ALG13: variants seen among roughly 807,000 people sequenced by gnomAD.
ALG13 encodes the protein UDP-N-acetylglucosamine transferase subunit ALG13.
ALG13 carries 11 observed loss-of-function variants against 87.8 expected under a neutral mutation model. That is an observed-to-expected ratio of 0.13 (90% CI 0.08 to 0.21). The LOEUF (loss-of-function observed/expected upper bound fraction) is 0.21. Ranked by LOEUF, ALG13 falls within the 10% of genes least tolerant of loss-of-function variation. ALG13 has a pLI of 1.00. For synonymous variants in ALG13, 320 were observed against 306.3 expected (o/e 1.04, Z -0.47); for missense variants, 756 against 866.1 (o/e 0.87, Z 1.60).
intron 25 of ALG13, among the ~76,000 whole-genome samples, chrX:111,757,016 TTTC>T (rs1945319402): frequency 8.9e-6 from 1 of 112,048 alleles, no homozygotes; most frequent in African/African-American, 3.2e-5. Flanking sequence ...TTTCAGTATT[TTTC>T]TTATTAGAAA....
chrX:111,731,500 G>A (rs548722286), intron 21 of ALG13, among the ~76,000 whole-genome samples: 8 of 111,803 alleles, frequency 7.2e-5, no homozygotes, highest in African/African-American at 2.6e-4. Flanking sequence ...GGGGCTCTTG[G>A]TTACTCCCAA....
chrX:111,681,980 A>C, intron 1 of ALG13, 152 bp from the exon 2 acceptor site: 1 of 872,279 alleles, frequency 1.1e-6, no homozygotes, highest in Middle Eastern at 4.7e-4. Flanking sequence ...GGACCAGAAA[A>C]TAGTTTTGAA....
intron 8 of ALG13, 56 bp from the exon 9 acceptor site, chrX:111,717,790 T>C (rs1940849922): frequency 1.7e-5 from 14 of 828,917 alleles, no homozygotes; most frequent in Non-Finnish European, 2.4e-5. Flanking sequence ...TCATCTTAAT[T>C]TCATGGTTTT....
intron 3 of ALG13, among the ~76,000 whole-genome samples, chrX:111,705,775 A>G (rs1277093978): frequency 9.2e-6 from 1 of 109,147 alleles, no homozygotes; most frequent in Non-Finnish European, 1.9e-5. Context: ...GTGTGGATCT[A>G]CTTCTGTGTG....
At chrX:111,700,585 GT>G in intron 3 of ALG13, among the ~76,000 whole-genome samples, 1 of 95,967 alleles carries the variant, frequency 1.0e-5, no homozygotes, top group African/African-American at 3.8e-5. Flanking sequence ...GTTTTTTTTT[GT>G]TTTTTTTTGA....
At chrX:111,730,625 C>T in intron 21 of ALG13, 45 bp downstream of exon 21, 2 of 992,183 alleles carry the variant, frequency 2.0e-6, no homozygotes, top group Non-Finnish European at 2.8e-6. Flanking sequence ...CTACTATGTA[C>T]TAGGGCACTG....
intron 10 of ALG13, 128 bp from the exon 11 acceptor site, chrX:111,719,966 AT>A: frequency 2.3e-6 from 1 of 440,838 alleles, no homozygotes; most frequent in Non-Finnish European, 3.9e-6. Flanking sequence ...AAATGTTGGA[AT>A]GAAAAAGCAT....
At position 111,681,560 on chromosome X, in the gene ALG13, C is replaced by T. The variant is rs1237196056; in HGVS notation, c.81+261C>T. On this transcript the variant is annotated intron_variant, in intron 1 of 26. Coordinates refer to ENST00000394780, the MANE Select transcript of ALG13 (RefSeq NM_001099922.3). Reference sequence around the variant, plus strand: ...TCCCTCATTTCTTCAGCTCCTTTTCCGGTCTGCCCCCGCGCTCTATTCTCC... The same window carrying T: ...TCCCTCATTTCTTCAGCTCCTTTTCTGGTCTGCCCCCGCGCTCTATTCTCC... The T allele has an allele frequency of 3.1e-6, 3 of 956,141 alleles. No individual in the cohort carries two copies. The African/African-American group carries it at 6.0e-5, about 19-fold the overall frequency. The allele number at this position is 956,141 out of a possible 1,213,427, so 78.8% of individuals were successfully genotyped here.
rs756868458 is a variant in ALG13 at position 111,708,142 on chromosome X, G to A, written c.499G>A (p.Gly167Arg). The change falls in exon 4 of 27, where the codon GGA becomes AGA. Residue 167 changes from glycine to arginine, a missense_variant. This residue lies in a region of ALG13 where 153 missense variants were observed against 168.7 expected (regional missense o/e 0.91). Coordinates refer to ENST00000394780, the MANE Select transcript of ALG13 (RefSeq NM_001099922.3). ...FSGLDFGLLS[G>R]YLHKQALVTA... ...AGGCCTAGACTTTGGGCTGCTTTCC[G>A]GATACCTGCATAAGCAAGCCCTTGT... The A allele has an allele frequency of 2.3e-5, 28 of 1,211,498 alleles. No homozygotes were observed. The East Asian group carries it at 3.3e-4, about 14-fold the overall frequency.
At chrX:111,688,864 T>C (rs1272413999) in intron 3 of ALG13, 1 of 750,847 alleles carries the variant, frequency 1.3e-6, no homozygotes, top group African/African-American at 2.3e-5. Flanking sequence ...CTGATTAGAG[T>C]GTGTGGTCTC....
rs1468778820 is a variant in ALG13 at position 111,718,076 on chromosome X, T to G, written c.1088-36T>G. ...TTTCACATAGTTAATATAAATCTTA[T>G]TTTGACAATTGGAATTTTGACCATT... is the stretch of plus-strand genomic sequence containing the variant. On this transcript the variant is annotated intron_variant, in intron 9 of 26. Coordinates refer to ENST00000394780, the MANE Select transcript of ALG13 (RefSeq NM_001099922.3). 4 of 1,133,002 alleles carry G rather than the reference T, an allele frequency of 3.5e-6. No individual in the cohort carries two copies. In the African/African-American group the frequency reaches 7.3e-5, roughly 21 times the overall value. 93.4% of individuals were successfully genotyped at this position (1,133,002 alleles called of 1,213,427 possible).
chrX:111,697,070 C>A (rs1345537317), intron 3 of ALG13, among the ~76,000 whole-genome samples: 1 of 104,937 alleles, frequency 9.5e-6, no homozygotes, highest in Non-Finnish European at 1.9e-5. Flanking sequence ...CATATTTAAG[C>A]ACGAACGTGC....
At position 111,757,605 on chromosome X, in the gene ALG13, C is replaced by T; in HGVS notation, c.2991C>T (p.Tyr997=). 1.7e-6 allele frequency: 2 copies of T among 1,202,427 alleles called. No homozygotes were observed. Among genetic ancestry groups the T allele is most frequent in the Non-Finnish European group, 2.2e-6 (2 of 891,575 alleles). The stretch of plus-strand genomic sequence containing the variant: ...TGCTCAAGTGCTATTACCACAGCTA[C>T]TGGCACTCCATGGTCTATGTGCCAC... The part of the protein sequence containing the change: ...NLGLQCYYHS[Y]WHSMVYVPQM... Residue 997 remains tyrosine (Y), a synonymous_variant, in exon 26 of 27, where the codon TAC becomes TAT. Transcript: ENST00000394780.
rs1940864635 is a variant in ALG13 at position 111,717,873 on chromosome X, C to T, written c.1033C>T (p.His345Tyr). 1 of 1,201,429 alleles carries T rather than the reference C, an allele frequency of 8.3e-7. No individual in the cohort carries two copies. Among genetic ancestry groups the T allele is most frequent in the African/African-American group, 1.8e-5 (1 of 56,804 alleles). Residue 345 changes from histidine (H) to tyrosine (Y), a missense_variant, in exon 9 of 27, where the codon CAC becomes TAC. Coordinates refer to ENST00000394780, the MANE Select transcript of ALG13 (RefSeq NM_001099922.3). The stretch of plus-strand genomic sequence containing the variant: ...TCTACTCTGCTACTCAAGTAGTGGT[C>T]ACTATGATTCTGTGTACTCAAAACA... ...KILLCYSSSGHYDSVYSKQFQ... is the reference protein window; with the variant it reads ...KILLCYSSSGYYDSVYSKQFQ...
chrX:111,734,232 A>C (rs1022443042), intron 21 of ALG13: 11 of 112,551 alleles, frequency 9.8e-5, no homozygotes, highest in African/African-American at 3.5e-4. Context: ...TTTCCAGGCA[A>C]AGCCTTCTAA....
Position 111,759,777 on chromosome X carries a change from A to C in ALG13, c.3192A>C (p.Ala1064=). The change falls in exon 27 of 27, where the codon GCA becomes GCC. Residue 1064 remains alanine (A), a synonymous_variant. Coordinates refer to ENST00000394780, the MANE Select transcript of ALG13 (RefSeq NM_001099922.3). ...NADSSSVPHG[A]VYYPVMSDPY... ...ATTCTTCATCTGTCCCTCATGGAGC[A>C]GTCTATTATCCAGTAATGTCAGATC... 1 of 1,208,798 alleles carries C rather than the reference A, an allele frequency of 8.3e-7. No homozygotes were observed. Among genetic ancestry groups the C allele is most frequent in the Non-Finnish European group, 1.1e-6 (1 of 893,663 alleles).
intron 3 of ALG13, among the ~76,000 whole-genome samples, chrX:111,690,967 A>G (rs1936026652): frequency 1.8e-5 from 2 of 111,840 alleles, no homozygotes; most frequent in Non-Finnish European, 1.9e-5. Flanking sequence ...TGACCAAAAC[A>G]CTTCATATAG....
intron 25 of ALG13, among the ~76,000 whole-genome samples, chrX:111,754,041 C>T (rs1412411355): frequency 9.0e-6 from 1 of 111,499 alleles, no homozygotes; most frequent in East Asian, 2.8e-4. Flanking sequence ...ACTGGCAAAC[C>T]GAATCCAGCA....
At chrX:111,748,667 C>T (rs1024193847) in intron 24 of ALG13, among the ~76,000 whole-genome samples, 1 of 111,762 alleles carries the variant, frequency 8.9e-6, no homozygotes, top group African/African-American at 3.3e-5. Flanking sequence ...AGGTATGTTT[C>T]GTGAATATCT....
Sources: allele counts gnomAD v4.1 joint callset (sites outside exome capture counted in the v4.1 genomes callset), GRCh38; gene constraint gnomAD v4.1.1; regional missense constraint gnomAD v4.1.1; transcripts MANE v1.5; gene names NCBI Gene and HGNC (gene_info 2026-07-23, HGNC 2026-07-21).